Variants in SGCZ observed in about 807,000 individuals in gnomAD.
The protein encoded by SGCZ is zeta-sarcoglycan.
Under a neutral mutation model 41.3 loss-of-function variants are expected in SGCZ, and 40 were observed. The ratio of observed to expected loss-of-function variants is 0.97; its 90% CI spans 0.75 to 1.26. The LOEUF (loss-of-function observed/expected upper bound fraction) is 1.26. SGCZ is among the 50% of genes most tolerant of loss of function. The probability of loss-of-function intolerance (pLI) is 0.00; values close to 1 mark genes in which losing one functional copy is unlikely to be tolerated. For synonymous variants in SGCZ, 206 were observed against 137.5 expected (o/e 1.50, Z -3.49); for missense variants, 552 against 369.8 (o/e 1.49, Z -4.04).
intron 1 of SGCZ, among the ~76,000 whole-genome samples, chr8:15,027,639 T>C (rs1585488007): frequency 6.6e-6 from 1 of 152,098 alleles, no homozygotes; most frequent in Admixed American, 6.6e-5. Context: ...TATTGCAAGA[T>C]ATAAAATTGT....
chr8:14,464,624 C>A (rs1251164718), intron 2 of SGCZ, among the ~76,000 whole-genome samples: 2 of 149,932 alleles, frequency 1.3e-5, no homozygotes, highest in Admixed American at 1.3e-4. Flanking sequence ...TGATTTCTTC[C>A]CTTCTGTTAC....
intron 2 of SGCZ, among the ~76,000 whole-genome samples, chr8:14,486,602 C>G (rs1421781637): frequency 2.6e-5 from 4 of 152,212 alleles, no homozygotes; most frequent in African/African-American, 4.8e-5. Context: ...GCACGTGTGT[C>G]TTTCTCTGCT....
intron 4 of SGCZ, among the ~76,000 whole-genome samples, chr8:14,216,228 A>G (rs1805989051): frequency 6.6e-6 from 1 of 152,190 alleles, no homozygotes; most frequent in South Asian, 2.1e-4. Context: ...TCTTAGGAGA[A>G]TTCAGCTGCC....
chr8:15,052,700 C>G (rs1411904308), intron 1 of SGCZ, among the ~76,000 whole-genome samples: 1 of 152,084 alleles, frequency 6.6e-6, no homozygotes, highest in African/African-American at 2.4e-5. Context: ...TGGACACGTG[C>G]ATTTTAGAAA....
intron 3 of SGCZ, among the ~76,000 whole-genome samples, chr8:14,239,005 G>A (rs1267349275): frequency 6.6e-6 from 1 of 150,450 alleles, no homozygotes; most frequent in African/African-American, 2.4e-5. Flanking sequence ...TTTTTATTTC[G>A]ACAGATTTAA....
intron 1 of SGCZ, among the ~76,000 whole-genome samples, chr8:14,794,819 T>C (rs1410513617): frequency 1.3e-5 from 2 of 152,228 alleles, no homozygotes; most frequent in Non-Finnish European, 2.9e-5. Context: ...AGAGTCAGCA[T>C]TGAAATGCCC....
At chr8:14,782,152 G>T (rs531864089) in intron 1 of SGCZ, among the ~76,000 whole-genome samples, 143 of 152,206 alleles carry the variant, frequency 9.4e-4, no homozygotes, top group Admixed American at 3.0e-3. Flanking sequence ...TTGGATAAAC[G>T]ACTACTGGGA....
chr8:14,122,821 G>T (rs1802741228), intron 5 of SGCZ, among the ~76,000 whole-genome samples: 1 of 96,332 alleles, frequency 1.0e-5, no homozygotes. Flanking sequence ...GAGAAATTTG[G>T]GAAACATTAT....
At chr8:14,680,722 C>T (rs1305797727) in intron 1 of SGCZ, among the ~76,000 whole-genome samples, 5 of 150,308 alleles carry the variant, frequency 3.3e-5, no homozygotes, top group Non-Finnish European at 5.9e-5. Context: ...CATTAAAATG[C>T]TCTTATAAAT....
At chr8:14,941,566 CATACAT>C (rs1244216120) in intron 1 of SGCZ, among the ~76,000 whole-genome samples, 1 of 151,970 alleles carries the variant, frequency 6.6e-6, no homozygotes, top group Non-Finnish European at 1.5e-5. Context: ...TAAAGATTTA[CATACAT>C]ATACATTTAC....
Position 14,085,004 on chromosome 8 carries a change from A to G in SGCZ, c.*5439T>C, listed in dbSNP as rs1350297635. 6.6e-6 allele frequency among the ~76,000 whole-genome samples: 1 copy of G among 151,768 alleles called. No homozygotes were observed. Among genetic ancestry groups the G allele is most frequent in the Non-Finnish European group, 1.5e-5 (1 of 67,838 alleles). ...CATTTCAGAGAAAAAAAGGTTTCCA[A>G]TTGCCAAAACTTTGCTGCATTTTCT... is the stretch of plus-strand genomic sequence containing the variant. On this transcript the variant is annotated 3_prime_UTR_variant, in exon 8 of 8. Transcript: ENST00000382080.
chr8:14,367,003 A>G (rs1223231985), intron 2 of SGCZ, among the ~76,000 whole-genome samples: 3 of 152,036 alleles, frequency 2.0e-5, no homozygotes, highest in Admixed American at 2.0e-4. Context: ...TCCCCCAGAA[A>G]ATGGGTTTTT....
At chr8:14,993,041 A>G (rs1378636868) in intron 1 of SGCZ, among the ~76,000 whole-genome samples, 2 of 151,904 alleles carry the variant, frequency 1.3e-5, no homozygotes, top group African/African-American at 4.8e-5. Flanking sequence ...ATCTACTCCC[A>G]AATCTCTTCC....
intron 2 of SGCZ, among the ~76,000 whole-genome samples, chr8:14,510,442 A>G (rs1259576482): frequency 6.7e-6 from 1 of 150,164 alleles, no homozygotes; most frequent in East Asian, 2.0e-4. Flanking sequence ...TTTGTCCTGT[A>G]GAAAAAAAAA....
chr8:14,531,718 T>G (rs1488090927), intron 2 of SGCZ, among the ~76,000 whole-genome samples: 1 of 152,116 alleles, frequency 6.6e-6, no homozygotes, highest in African/African-American at 2.4e-5. Flanking sequence ...ACCTAAATGC[T>G]GTCTCCTTCC....
intron 1 of SGCZ, among the ~76,000 whole-genome samples, chr8:15,127,384 T>G (rs1807743910): frequency 6.6e-6 from 1 of 152,142 alleles, no homozygotes; most frequent in Admixed American, 6.6e-5. Flanking sequence ...GAAATACCAT[T>G]CCGTGTCCTG....
chr8:14,509,895 C>T (rs918435142), intron 2 of SGCZ, among the ~76,000 whole-genome samples: 3 of 152,018 alleles, frequency 2.0e-5, no homozygotes, highest in Non-Finnish European at 4.4e-5. Context: ...TGAGAACTCA[C>T]TCACTATCAC....
At chr8:14,228,494 T>A (rs543738582) in intron 4 of SGCZ, among the ~76,000 whole-genome samples, 1 of 152,138 alleles carries the variant, frequency 6.6e-6, no homozygotes, top group African/African-American at 2.4e-5. Flanking sequence ...GATATACTCA[T>A]ATTTTGAATA....
At chr8:15,108,934 A>C (rs1806939908) in intron 1 of SGCZ, among the ~76,000 whole-genome samples, 1 of 152,164 alleles carries the variant, frequency 6.6e-6, no homozygotes, top group Non-Finnish European at 1.5e-5. Flanking sequence ...AAGAATCATA[A>C]ATGATTACAT....
Sources: gnomAD v4.1 joint callset for allele counts (sites outside exome capture counted in the v4.1 genomes callset) on GRCh38, gnomAD v4.1.1 for gene constraint, MANE v1.5 for transcripts, NCBI Gene and HGNC (gene_info 2026-07-23, HGNC 2026-07-21) for gene names.